The following CATSPERE variants were observed in gnomAD, a reference collection of about 807,000 sequenced individuals.
The protein encoded by CATSPERE is cation channel sperm-associated auxiliary subunit epsilon.
A neutral mutation model predicts 114.1 loss-of-function variants in CATSPERE; 93 were observed. The observed-to-expected ratio is 0.81, with a 90% CI of 0.69 to 0.97. The LOEUF (loss-of-function observed/expected upper bound fraction) is 0.97, where lower values mean the gene tolerates loss of function less well. Among genes scored for constraint, CATSPERE ranks in the 50% least tolerant of loss-of-function variants. CATSPERE has a pLI of 0.00. For missense variants in CATSPERE, 1,058 were observed against 1,131.6 expected (o/e 0.93, Z 0.93); for synonymous variants, 341 against 384.1 (o/e 0.89, Z 1.31).
At chr1:244,589,689 CA>C (rs1001727101) in intron 14 of CATSPERE, among the ~76,000 whole-genome samples, 7 of 152,130 alleles carry the variant, frequency 4.6e-5, no homozygotes, top group African/African-American at 1.7e-4. Flanking sequence ...CAAACGTTAC[CA>C]AAATCAGTTC....
intron 3 of CATSPERE, 78 bp from the exon 4 acceptor site, chr1:244,477,828 G>A: frequency 1.6e-6 from 2 of 1,225,840 alleles, no homozygotes; most frequent in South Asian, 2.7e-5. Flanking sequence ...GAAATTTTTA[G>A]GCTTAAAAAA....
chr1:244,512,276 G>A (rs747645469), intron 7 of CATSPERE, among the ~76,000 whole-genome samples: 2 of 152,144 alleles, frequency 1.3e-5, no homozygotes, highest in Non-Finnish European at 1.5e-5. Context: ...CAAAAGACCT[G>A]TCTTCGAGTT....
intron 13 of CATSPERE, among the ~76,000 whole-genome samples, chr1:244,587,881 G>C (rs1185595715): frequency 6.6e-6 from 1 of 152,130 alleles, no homozygotes; most frequent in Non-Finnish European, 1.5e-5. Flanking sequence ...TGATAGTCAT[G>C]GTTGTAGAGA....
intron 8 of CATSPERE, 65 bp downstream of exon 8, chr1:244,518,763 A>G (rs1051852516): frequency 1.5e-5 from 13 of 843,328 alleles, no homozygotes; most frequent in Non-Finnish European, 2.2e-5. Context: ...TTAAAATCCT[A>G]GTGGAACTTA....
chr1:244,589,645 T>G (rs1314108434), intron 14 of CATSPERE, among the ~76,000 whole-genome samples: 2 of 152,172 alleles, frequency 1.3e-5, no homozygotes, highest in African/African-American at 4.8e-5. Context: ...TCCAGGAGAT[T>G]ACAAGGAGCA....
chr1:244,525,888 A>T (rs3005929), intron 8 of CATSPERE, among the ~76,000 whole-genome samples: 2,712 of 149,548 alleles, frequency 0.018, 18 homozygotes, highest in African/African-American at 0.029. Flanking sequence ...AACAAAAAAA[A>T]TTTTTTTCTG....
intron 9 of CATSPERE, among the ~76,000 whole-genome samples, chr1:244,553,648 C>CAT (rs141132549): frequency 3.0e-4 from 33 of 109,726 alleles, no homozygotes; most frequent in African/African-American, 1.1e-3. Context: ...CACACACATA[C>CAT]ATATATATAT....
At chr1:244,540,155 C>A (rs1387921006) in intron 8 of CATSPERE, among the ~76,000 whole-genome samples, 1 of 150,982 alleles carries the variant, frequency 6.6e-6, no homozygotes. Context: ...AAGTTCTGGC[C>A]AGGGCAATTA....
intron 7 of CATSPERE, among the ~76,000 whole-genome samples, chr1:244,507,199 T>C (rs531409709): frequency 2.5e-4 from 38 of 152,334 alleles, no homozygotes; most frequent in Non-Finnish European, 5.9e-5. Context: ...CTATTGTGAA[T>C]AATGCTACAA....
At chr1:244,508,216 T>C (rs1057370022) in intron 7 of CATSPERE, among the ~76,000 whole-genome samples, 4 of 152,052 alleles carry the variant, frequency 2.6e-5, no homozygotes, top group African/African-American at 9.7e-5. Flanking sequence ...TAATTTTTTT[T>C]GTAACTATTG....
chr1:244,489,269 T>C (rs1671559447), intron 5 of CATSPERE, among the ~76,000 whole-genome samples: 1 of 152,114 alleles, frequency 6.6e-6, no homozygotes, highest in Admixed American at 6.6e-5. Flanking sequence ...CGGCCTGTTA[T>C]TCCTTTCAGG....
In CATSPERE at chr1:244,635,561, C is replaced by T; in HGVS notation, c.2702+19C>T. The T allele has an allele frequency of 6.3e-7, 1 of 1,592,784 alleles. No individual in the cohort carries two copies. Among genetic ancestry groups the T allele is most frequent in the Middle Eastern group, 1.7e-4 (1 of 6,030 alleles). On this transcript the variant is annotated intron_variant, in intron 21 of 21. Coordinates refer to ENST00000366534, the MANE Select transcript of CATSPERE (RefSeq NM_001130957.2). ...TTCCCAGGTAAGGAGCAGGGCCTAA[C>T]TGGACTTTAATTAGGGAATTTCTAA...
intron 20 of CATSPERE, among the ~76,000 whole-genome samples, chr1:244,621,095 AATAT>A (rs1161673428): frequency 1.4e-5 from 1 of 69,512 alleles, no homozygotes; most frequent in Non-Finnish European, 2.7e-5. Context: ...ATATATATAA[AATAT>A]ATATAAATAT....
chr1:244,459,191 GC>G (rs1475390739), upstream of CATSPERE, among the ~76,000 whole-genome samples: 2 of 150,646 alleles, frequency 1.3e-5, no homozygotes, highest in Non-Finnish European at 2.9e-5. Context: ...CAATTCTCCT[GC>G]CTCAGCCTCC....
intron 17 of CATSPERE, among the ~76,000 whole-genome samples, chr1:244,600,705 A>C (rs1334830633): frequency 6.6e-6 from 1 of 151,516 alleles, no homozygotes; most frequent in East Asian, 1.9e-4. Context: ...AATCGATCAA[A>C]TCCAGAGATA....
intron 15 of CATSPERE, among the ~76,000 whole-genome samples, chr1:244,592,721 T>C (rs944973553): frequency 6.6e-6 from 1 of 152,218 alleles, no homozygotes; most frequent in South Asian, 2.1e-4. Context: ...AAATGTTTAA[T>C]AGTTGATGAG....
At chr1:244,540,077 A>T (rs1477573752) in intron 8 of CATSPERE, among the ~76,000 whole-genome samples, 2 of 151,152 alleles carry the variant, frequency 1.3e-5, no homozygotes, top group East Asian at 3.9e-4. Context: ...AACTGGAAGC[A>T]TTCCCTTTGA....
chr1:244,536,349 C>T (rs3005981), intron 8 of CATSPERE, among the ~76,000 whole-genome samples: 132,244 of 152,068 alleles, frequency 0.87, 58,483 homozygotes, highest in East Asian at 1. Context: ...GTTGCAGTCT[C>T]TGTGGCCTAG....
chr1:244,499,056 G>A lies in CATSPERE; in HGVS notation c.406G>A (p.Gly136Arg). 1 of 1,612,174 alleles carries A rather than the reference G, an allele frequency of 6.2e-7. No individual in the cohort carries two copies. The highest frequency in any genetic ancestry group is 2.2e-5 in the East Asian group (1 of 44,830). ...AAGTGCAGATCCTGATGAGTTGCTG[G>A]GGAATGCAGAAGAACCTTCAATAGT... ...PESADPDELLGNAEEPSINSI... is the reference protein window; with the variant it reads ...PESADPDELLRNAEEPSINSI... Residue 136 changes from glycine (G) to arginine (R), a missense_variant, in exon 7 of 22, where the codon GGG becomes AGG. By Grantham distance (125) the Gly-to-Arg change is moderately radical. This residue lies in a region of CATSPERE where 271 missense variants were observed against 225.9 expected (regional missense o/e 1.20). Transcript: ENST00000366534.
Sources: gnomAD v4.1 joint callset for allele counts (sites outside exome capture counted in the v4.1 genomes callset) on GRCh38, gnomAD v4.1.1 for gene constraint, gnomAD v4.1.1 regional missense constraint, MANE v1.5 for transcripts, NCBI Gene and HGNC (gene_info 2026-07-23, HGNC 2026-07-21) for gene names.